Variants in UIMC1 observed in about 807,000 individuals in gnomAD.
The protein encoded by UIMC1 is ubiquitin interaction motif containing 1, also known as BRCA1-A complex subunit RAP80.
Under a neutral mutation model 84.9 loss-of-function variants are expected in UIMC1, and 42 were observed. That is an observed-to-expected ratio of 0.49 (90% CI 0.39 to 0.64). The LOEUF (loss-of-function observed/expected upper bound fraction) is 0.64. Among genes scored for constraint, UIMC1 ranks in the 30% least tolerant of loss-of-function variants. The probability of loss-of-function intolerance (pLI) is 0.00; values close to 1 mark genes in which losing one functional copy is unlikely to be tolerated. For missense variants in UIMC1, 825 were observed against 847.6 expected (o/e 0.97, Z 0.33); for synonymous variants, 281 against 293.0 (o/e 0.96, Z 0.42).
chr5:176,992,495 G>A (rs1287087066), intron 1 of UIMC1, among the ~76,000 whole-genome samples: 1 of 150,974 alleles, frequency 6.6e-6, no homozygotes, highest in African/African-American at 2.4e-5. Context: ...AGTAAATAAA[G>A]CTTTCTTAGG....
In UIMC1 at chr5:176,969,200, G is replaced by A. The variant is rs1210462207; in HGVS notation, c.555C>T (p.His185=). The change falls in exon 6 of 15, where the codon CAC becomes CAT. Residue 185 remains histidine, a synonymous_variant. Coordinates refer to ENST00000511320, the MANE Select transcript of UIMC1 (RefSeq NM_001199298.2). ...EAEEREEPWD[H]TEKTEEEPVS... is the part of the protein sequence containing the mutation. ...CCGGCTCCTCTTCAGTTTTTTCAGT[G>A]TGGTCCCAAGGCTCCTCTCTTTCCT... 1 of 1,614,152 alleles carries A rather than the reference G, an allele frequency of 6.2e-7. No homozygotes were observed. The highest frequency in any genetic ancestry group is 1.7e-5 in the Admixed American group (1 of 60,024).
intron 2 of UIMC1, among the ~76,000 whole-genome samples, chr5:176,977,187 C>CAAGA (rs1770226466): frequency 2.0e-5 from 3 of 147,118 alleles, no homozygotes; most frequent in African/African-American, 7.7e-5. Context: ...CGCGCCACTG[C>CAAGA]TCTACAGCCT....
intron 1 of UIMC1, among the ~76,000 whole-genome samples, chr5:177,003,282 A>G (rs889882822): frequency 6.6e-6 from 1 of 152,330 alleles, no homozygotes; most frequent in South Asian, 2.1e-4. Flanking sequence ...CAGGTGTGTA[A>G]CAACAGAATT....
chr5:176,979,476 G>A (rs1470328297), intron 2 of UIMC1, among the ~76,000 whole-genome samples: 1 of 151,970 alleles, frequency 6.6e-6, no homozygotes, highest in Admixed American at 6.6e-5. Flanking sequence ...GCGTGGTGGC[G>A]CCTGTAATCC....
At chr5:177,001,837 C>T (rs1774523355) in intron 1 of UIMC1, among the ~76,000 whole-genome samples, 1 of 150,682 alleles carries the variant, frequency 6.6e-6, no homozygotes, top group African/African-American at 2.4e-5. Flanking sequence ...GCAGTCCCAG[C>T]TACTTGGGAG....
At chr5:177,013,618 A>C (rs915124148) in intron 1 of UIMC1, among the ~76,000 whole-genome samples, 8 of 152,216 alleles carry the variant, frequency 5.3e-5, no homozygotes, top group Non-Finnish European at 8.8e-5. Context: ...AAGTGTTTAG[A>C]TATAACTTCC....
At chr5:176,918,832 G>C (rs1252951664) in intron 10 of UIMC1, among the ~76,000 whole-genome samples, 1 of 152,100 alleles carries the variant, frequency 6.6e-6, no homozygotes, top group Non-Finnish European at 1.5e-5. Context: ...ATCCGACTTT[G>C]GTTAAATACA....
chr5:176,928,787 T>C (rs1209112333), intron 10 of UIMC1, among the ~76,000 whole-genome samples: 1 of 151,662 alleles, frequency 6.6e-6, no homozygotes, highest in Non-Finnish European at 1.5e-5. Context: ...CCGTCTCTAC[T>C]AAAAATACAA....
At chr5:176,996,122 C>T (rs1174474665) in intron 1 of UIMC1, among the ~76,000 whole-genome samples, 1 of 152,096 alleles carries the variant, frequency 6.6e-6, no homozygotes, top group African/African-American at 2.4e-5. Context: ...ACGGAACAAA[C>T]TACTGATGCA....
intron 10 of UIMC1, among the ~76,000 whole-genome samples, chr5:176,930,564 A>C (rs561381656): frequency 6.6e-6 from 1 of 152,380 alleles, no homozygotes; most frequent in Non-Finnish European, 1.5e-5. Flanking sequence ...ACTGGTATAT[A>C]GCAGGTGCTC....
At chr5:177,017,358 A>G (rs1039775601) in intron 1 of UIMC1, among the ~76,000 whole-genome samples, 15 of 152,076 alleles carry the variant, frequency 9.9e-5, no homozygotes, top group Non-Finnish European at 1.6e-4. Flanking sequence ...CCCCATCCAC[A>G]CTAGCCCACT....
At chr5:177,017,683 T>C (rs1775701461) in intron 1 of UIMC1, among the ~76,000 whole-genome samples, 1 of 151,642 alleles carries the variant, frequency 6.6e-6, no homozygotes, top group South Asian at 2.1e-4. Context: ...TTTTTTTTTT[T>C]TTTTGAGACA....
At chr5:176,969,381 A>T (rs548201396) in intron 5 of UIMC1, 90 bp from the exon 6 acceptor site, 2 of 1,494,710 alleles carry the variant, frequency 1.3e-6, no homozygotes, top group South Asian at 2.7e-5. Flanking sequence ...ATTACATAAT[A>T]TGGGTAAGAA....
intron 2 of UIMC1, among the ~76,000 whole-genome samples, chr5:176,978,591 G>A (rs551834818): frequency 1.6e-3 from 248 of 151,804 alleles, no homozygotes; most frequent in African/African-American, 5.8e-3. Context: ...TAAAGCCAAT[G>A]GCACTAGGAG....
At chr5:177,005,354 A>T (rs1775107197) in intron 1 of UIMC1, among the ~76,000 whole-genome samples, 1 of 152,066 alleles carries the variant, frequency 6.6e-6, no homozygotes, top group African/African-American at 2.4e-5. Flanking sequence ...GGAGTATAGG[A>T]GTGAGCCACC....
chr5:176,989,332 T>C lies in UIMC1; in HGVS notation c.-8-6709A>G, dbSNP rs780922153. On this transcript the variant is annotated intron_variant, in intron 1 of 14. Transcript: ENST00000511320. ...AACGTCCTTTTCTGCATTTAATGCATATTTTTAATGACTAAAGAACAAGAA... is the reference window on the plus strand; with the variant it reads ...AACGTCCTTTTCTGCATTTAATGCACATTTTTAATGACTAAAGAACAAGAA... Among the ~76,000 whole-genome samples the C allele has an allele frequency of 6.2e-4, 94 of 152,290 alleles. 1 individual carries two copies. Among genetic ancestry groups the C allele is most frequent in the Non-Finnish European group, 1.1e-3 (75 of 68,016 alleles).
upstream of UIMC1, chr5:177,006,808 ACCC>A (rs1240701761): frequency 1.3e-5 from 2 of 151,344 alleles, no homozygotes; most frequent in East Asian, 3.9e-4. Context: ...GACTTAACCA[ACCC>A]CCGCCGCGGG....
chr5:176,934,303 T>C (rs140816033), intron 10 of UIMC1, among the ~76,000 whole-genome samples: 3,520 of 152,292 alleles, frequency 0.023, 126 homozygotes, highest in African/African-American at 0.079. Flanking sequence ...AATTTAGAAC[T>C]GCCTTAATTC....
intron 10 of UIMC1, among the ~76,000 whole-genome samples, chr5:176,924,368 A>C (rs1304669837): frequency 6.6e-6 from 1 of 152,142 alleles, no homozygotes; most frequent in Non-Finnish European, 1.5e-5. Flanking sequence ...TTGAAAAAGA[A>C]CAAATGAGAA....
Sources: allele counts gnomAD v4.1 joint callset (sites outside exome capture counted in the v4.1 genomes callset), GRCh38; gene constraint gnomAD v4.1.1; transcripts MANE v1.5; gene names NCBI Gene and HGNC (gene_info 2026-07-23, HGNC 2026-07-21).